Variants in MYO16 observed in about 807,000 individuals in gnomAD.
The protein encoded by MYO16 is myosin XVI, also known as unconventional myosin-XVI.
MYO16 carries 94 observed loss-of-function variants against 205.3 expected under a neutral mutation model. That is an observed-to-expected ratio of 0.46 (90% confidence interval 0.39 to 0.54). The LOEUF (loss-of-function observed/expected upper bound fraction) is 0.54. Ranked by LOEUF, MYO16 falls within the 20% of genes least tolerant of loss-of-function variation. The pLI, the probability that MYO16 is intolerant of heterozygous loss-of-function variation, is 0.00. For missense variants in MYO16, 2,315 were observed against 2,387.5 expected, an observed-to-expected ratio of 0.97 and a Z score of 0.63; for synonymous variants, 988 against 954.0, an observed-to-expected ratio of 1.04 and a Z score of -0.66.
At chr13:109,015,642 T>C (rs1885783822) in intron 22 of MYO16, among the ~76,000 whole-genome samples, 1 of 152,206 alleles carries the variant, frequency 6.6e-6, no homozygotes, top group African/African-American at 2.4e-5. Context: ...TTTCAGTGCC[T>C]GCTATTGGTC....
the MYO16 span, among the ~76,000 whole-genome samples, chr13:108,530,271 G>T: frequency 2.0e-5 from 3 of 152,104 alleles, no homozygotes; most frequent in African/African-American, 7.2e-5. Flanking sequence ...CGAATTACTG[G>T]GAACCAAAAG....
At chr13:109,063,236 A>G (rs2139631212) in intron 27 of MYO16, among the ~76,000 whole-genome samples, 1 of 152,274 alleles carries the variant, frequency 6.6e-6, no homozygotes, top group South Asian at 2.1e-4. Context: ...GGATCGCTTT[A>G]GTTGAGAGGA....
the MYO16 span, among the ~76,000 whole-genome samples, chr13:108,551,822 T>A: frequency 6.6e-6 from 1 of 152,162 alleles, no homozygotes; most frequent in East Asian, 1.9e-4. Flanking sequence ...TCATGGTAAC[T>A]GTTGTCTGGG....
chr13:108,653,228 C>T (rs1218337099), intron 1 of MYO16, among the ~76,000 whole-genome samples: 1 of 152,092 alleles, frequency 6.6e-6, no homozygotes, highest in Non-Finnish European at 1.5e-5. Context: ...CATTTTTAAT[C>T]AGATTATTTG....
intron 14 of MYO16, among the ~76,000 whole-genome samples, chr13:108,895,687 T>C (rs2139197806): frequency 6.6e-6 from 1 of 152,328 alleles, no homozygotes; most frequent in East Asian, 1.9e-4. Flanking sequence ...CTTTGAGCCT[T>C]GGGAAAACTA....
At position 108,957,768 on chromosome 13, in the gene MYO16, G is replaced by A. The variant is rs201483142; in HGVS notation, c.2006G>A (p.Arg669Gln). 5.1e-4 allele frequency: 818 copies of A among 1,613,764 alleles called. 12 individuals carry two copies. The East Asian group carries it at 0.017, about 34-fold the overall frequency. Residue 669 changes from arginine (R) to glutamine (Q), a missense_variant, in exon 17 of 35, where the codon CGA becomes CAA. Arg to Gln is a conservative substitution (Grantham distance 43, BLOSUM62 1). Around this residue, in one of 3 missense-constraint regions of MYO16, gnomAD observed 1,213 missense variants for 1,274.4 expected, o/e 0.95. Transcript: ENST00000457511. ...LNREKLAVLKRALNVVGFSSL... is the reference protein window; with the variant it reads ...LNREKLAVLKQALNVVGFSSL... ...AGGGAGAAATTGGCTGTTTTGAAACGAGCCCTGAATGTAGTTGGCTTCAGC... is the reference window on the plus strand; with the variant it reads ...AGGGAGAAATTGGCTGTTTTGAAACAAGCCCTGAATGTAGTTGGCTTCAGC...
chr13:109,206,906 C>A lies in MYO16; in HGVS notation c.*70C>A. The A allele has an allele frequency of 7.2e-7, 1 of 1,395,236 alleles. No individual in the cohort carries two copies. The highest frequency in any genetic ancestry group is 1.4e-5 in the African/African-American group (1 of 70,034). The allele number at this position is 1,395,236 out of a possible 1,614,324, so 86.4% of individuals were successfully genotyped here. On this transcript the variant is annotated 3_prime_UTR_variant, in exon 35 of 35. Transcript: ENST00000457511. The stretch of plus-strand genomic sequence containing the variant: ...TCCGGGCTGCAACAACAGAAGGCTG[C>A]CTTCTGACATGCGCTGGGGCTTCTC...
At chr13:108,888,272 T>G in intron 13 of MYO16, 100 bp from the exon 14 acceptor site, 1 of 757,172 alleles carries the variant, frequency 1.3e-6, no homozygotes, top group African/African-American at 1.8e-5. Context: ...TCCAGTTAAT[T>G]TTTTTACTTG....
At chr13:108,498,627 C>T in the MYO16 span, among the ~76,000 whole-genome samples, 1 of 152,222 alleles carries the variant, frequency 6.6e-6, no homozygotes, top group East Asian at 1.9e-4. Context: ...AAAAAACTTA[C>T]TGAGATTAAA....
At chr13:109,176,178 TAGAA>T (rs1321031999) in intron 33 of MYO16, among the ~76,000 whole-genome samples, 1 of 152,198 alleles carries the variant, frequency 6.6e-6, no homozygotes, top group Non-Finnish European at 1.5e-5. Context: ...TTTTGATAGA[TAGAA>T]TGAATGTTAC....
At chr13:108,616,255 T>C (rs964377671) in intron 1 of MYO16, among the ~76,000 whole-genome samples, 1 of 152,230 alleles carries the variant, frequency 6.6e-6, no homozygotes, top group East Asian at 1.9e-4. Flanking sequence ...AAAATGTATA[T>C]ACAGTAGACA....
the MYO16 span, among the ~76,000 whole-genome samples, chr13:108,508,894 T>C: frequency 6.6e-6 from 1 of 152,224 alleles, no homozygotes; most frequent in Non-Finnish European, 1.5e-5. Flanking sequence ...TATTCAGTTA[T>C]CCTGTTACCA....
At chr13:108,656,804 C>T (rs1881265855) in intron 1 of MYO16, among the ~76,000 whole-genome samples, 1 of 152,186 alleles carries the variant, frequency 6.6e-6, no homozygotes, top group African/African-American at 2.4e-5. Flanking sequence ...CCAGAATCCG[C>T]TTCATTCTCA....
chr13:109,052,337 G>A lies in MYO16; in HGVS notation c.2910G>A (p.Ser970=), dbSNP rs144060419. 6.6e-5 allele frequency: 106 copies of A among 1,613,136 alleles called. No individual in the cohort carries two copies. Among genetic ancestry groups the A allele is most frequent in the Middle Eastern group, 1.6e-4 (1 of 6,082 alleles). ...TCGTGATCAATCATTTGTTCCAGTC[G>A]AAATTGTCACAAACAGGATCCCTCG... The part of the protein sequence containing the change: ...ENVVINHLFQ[S]KLSQTGSLVS... Residue 970 remains serine (S), a synonymous_variant, in exon 25 of 35, where the codon TCG becomes TCA. Coordinates refer to ENST00000457511, the MANE Select transcript of MYO16 (RefSeq NM_001198950.3).
At chr13:109,039,528 A>C (rs1456618308) in intron 23 of MYO16, among the ~76,000 whole-genome samples, 1 of 152,218 alleles carries the variant, frequency 6.6e-6, no homozygotes, top group Non-Finnish European at 1.5e-5. Flanking sequence ...TCAACCCAGA[A>C]ATCAATAACG....
At chr13:109,002,474 T>G (rs1885250470) in intron 21 of MYO16, among the ~76,000 whole-genome samples, 1 of 152,206 alleles carries the variant, frequency 6.6e-6, no homozygotes, top group Non-Finnish European at 1.5e-5. Context: ...AGTAAACCAC[T>G]TAGCAGTGGC....
At chr13:108,913,946 T>C (rs987943476) in intron 16 of MYO16, among the ~76,000 whole-genome samples, 2 of 152,194 alleles carry the variant, frequency 1.3e-5, no homozygotes, top group Non-Finnish European at 2.9e-5. Flanking sequence ...GCCGATTTCT[T>C]TATGGCACTT....
At chr13:108,647,380 T>C (rs77662135) in intron 1 of MYO16, among the ~76,000 whole-genome samples, 8,672 of 152,252 alleles carry the variant, frequency 0.057, 592 homozygotes, top group East Asian at 0.18. Context: ...ACTATTTTTT[T>C]GTAATGCTGT....
intron 31 of MYO16, among the ~76,000 whole-genome samples, chr13:109,139,412 C>T (rs1876928076): frequency 6.6e-6 from 1 of 152,198 alleles, no homozygotes; most frequent in African/African-American, 2.4e-5. Context: ...TCCTAAGAAT[C>T]CACACCTAAG....
Sources: gnomAD v4.1 joint callset for allele counts (sites outside exome capture counted in the v4.1 genomes callset) on GRCh38, gnomAD v4.1.1 for gene constraint, gnomAD v4.1.1 regional missense constraint, MANE v1.5 for transcripts, NCBI Gene and HGNC (gene_info 2026-07-23, HGNC 2026-07-21) for gene names.